LRRK1: variants seen among roughly 807,000 people sequenced by gnomAD.
LRRK1 encodes leucine rich repeat kinase 1.
Under a neutral mutation model 209.1 loss-of-function variants are expected in LRRK1, and 113 were observed. The observed-to-expected ratio is 0.54, with a 90% CI of 0.46 to 0.63. The LOEUF is 0.63. LRRK1 is among the 30% of genes least tolerant of loss of function. The pLI, the probability that LRRK1 is intolerant of heterozygous loss-of-function variation, is 0.00. For synonymous variants in LRRK1, 1,144 were observed against 1,099.7 expected (o/e 1.04, Z -0.80); for missense variants, 2,284 against 2,632.2 (o/e 0.87, Z 2.89).
chr15:100,977,910 A>G (rs1245636250), intron 3 of LRRK1, among the ~76,000 whole-genome samples: 2 of 152,220 alleles, frequency 1.3e-5, no homozygotes, highest in African/African-American at 2.4e-5. Flanking sequence ...GATGACTCCA[A>G]TGTTAGAATC....
At chr15:101,035,972 A>G (rs938953194) in intron 20 of LRRK1, among the ~76,000 whole-genome samples, 40 of 152,172 alleles carry the variant, frequency 2.6e-4, no homozygotes, top group African/African-American at 8.9e-4. Context: ...CTGTTAGTCT[A>G]ATGGGGTCTC....
At position 101,024,021 on chromosome 15, in the gene LRRK1, A is replaced by C. The variant is rs1273426715; in HGVS notation, c.2068-782A>C. Among the ~76,000 whole-genome samples, 1 of 151,694 alleles carries C rather than the reference A, an allele frequency of 6.6e-6. No individual in the cohort carries two copies. Among genetic ancestry groups the C allele is most frequent in the Non-Finnish European group, 1.5e-5 (1 of 67,936 alleles). On this transcript the variant is annotated intron_variant, in intron 15 of 33. Transcript: ENST00000388948. The surrounding 1 kb of genome is among the most constrained non-coding windows in gnomAD (Gnocchi z 4.6). The stretch of plus-strand genomic sequence containing the variant: ...GCCTGAGGGGTGAATTCGTGCTTCT[A>C]TTTTTCCTGACCTTCACCCCCACTT...
Position 101,056,927 on chromosome 15 carries a change from C to A in LRRK1, c.4404C>A (p.His1468Gln), listed in dbSNP as rs559486146. 5 of 1,614,176 alleles carry A rather than the reference C, an allele frequency of 3.1e-6. No homozygotes were observed. Among genetic ancestry groups the A allele is most frequent in the Admixed American group, 1.7e-5 (1 of 60,026 alleles). Residue 1468 changes from histidine (H) to glutamine (Q), a missense_variant, in exon 28 of 34, where the codon CAC becomes CAA. By Grantham distance (24) the His-to-Gln change is conservative (BLOSUM62 0). Around this residue, in one of 6 missense-constraint regions of LRRK1, gnomAD observed 59 missense variants for 103.8 expected, o/e 0.57. Coordinates refer to ENST00000388948, the MANE Select transcript of LRRK1 (RefSeq NM_024652.6). The stretch of plus-strand genomic sequence containing the variant: ...GACAGCGCCCTGCACTGGGCCACCA[C>A]CAGCTCCAGATTGCCAAGAAGCTGT... Reference protein sequence around the residue: ...LSGQRPALGHHQLQIAKKLSK... With the variant: ...LSGQRPALGHQQLQIAKKLSK...
At chr15:100,959,048 C>G (rs1255929135) in intron 2 of LRRK1, among the ~76,000 whole-genome samples, 2 of 152,086 alleles carry the variant, frequency 1.3e-5, no homozygotes, top group Admixed American at 1.3e-4. Flanking sequence ...AGTGACCAGA[C>G]CTTAGGGAAG....
intron 24 of LRRK1, 123 bp downstream of exon 24, chr15:101,052,083 TC>T: frequency 1.8e-6 from 2 of 1,106,622 alleles, no homozygotes; most frequent in Non-Finnish European, 2.6e-6. Context: ...GGCCATGGCT[TC>T]CCACCAATCT....
Position 101,027,147 on chromosome 15 carries a change from A to G in LRRK1, c.2406-114A>G, listed in dbSNP as rs1178800251. 7.4e-7 allele frequency: 1 copy of G among 1,346,112 alleles called. No individual in the cohort carries two copies. The highest frequency in any genetic ancestry group is 2.3e-5 in the East Asian group (1 of 42,978). 83.4% of individuals were successfully genotyped at this position (1,346,112 alleles called of 1,614,324 possible). A position where few individuals can be genotyped will look rare whatever the true frequency, so the allele number is the denominator to read the frequency against. ...CAATAAACTTCTTGTGTTGTCTTTC[A>G]CGAGTTCTCCAGACTTGCCAGCGTT... On this transcript the variant is annotated intron_variant, in intron 17 of 33. Coordinates refer to ENST00000388948, the MANE Select transcript of LRRK1 (RefSeq NM_024652.6). The surrounding 1 kb of genome is among the most constrained non-coding windows in gnomAD (Gnocchi z 5.1).
rs570967436 is a variant in LRRK1, at chr15:101,068,815, C to T, written c.6015C>T (p.Gly2005=). The change falls in exon 34 of 34, where the codon GGC becomes GGT. Residue 2005 remains glycine, a synonymous_variant. Coordinates refer to ENST00000388948, the MANE Select transcript of LRRK1 (RefSeq NM_024652.6). ...DIFYQSYEEL[G]RLEACTRKRR ...TCTACCAGTCCTACGAGGAGCTGGG[C>T]CGGCTGGAGGCTTGCACTCGCAAGA... The T allele has an allele frequency of 6.2e-7, 1 of 1,609,904 alleles. No individual in the cohort carries two copies. Among genetic ancestry groups the T allele is most frequent in the South Asian group, 1.1e-5 (1 of 90,558 alleles).
At chr15:101,034,996 C>T (rs2034439978) in intron 20 of LRRK1, among the ~76,000 whole-genome samples, 1 of 151,832 alleles carries the variant, frequency 6.6e-6, no homozygotes, top group South Asian at 2.1e-4. Context: ...CTTGGTTACT[C>T]TAGCTAGTGA....
rs146304938 is a variant in LRRK1 at position 101,064,961 on chromosome 15, C to CG, written c.4915-386dup. The CG allele has an allele frequency of 4.8e-3, 1,196 of 248,614 alleles. 17 individuals are homozygous for CG. The highest frequency in any genetic ancestry group is 0.025 in the African/African-American group (1,137 of 44,638). The allele number at this position is 248,614 out of a possible 1,614,324, so 15.4% of individuals were successfully genotyped here. On this transcript the variant is annotated intron_variant, in intron 31 of 33. Coordinates refer to ENST00000388948, the MANE Select transcript of LRRK1 (RefSeq NM_024652.6). ...ATGTTAAGCAGCACCGAGAAAAGGG[C>CG]GGGGGCACCAGGTCCTGCCTCTGAA...
At position 101,075,891 on chromosome 15, in the gene LRRK1, G is replaced by A. The variant is rs927328289; in HGVS notation, c.*7043G>A. ...CCATCAGGCTCAGCAAATTACCTGG[G>A]CTGTACTGCCCCAAAGCTTCACAGA... On this transcript the variant is annotated 3_prime_UTR_variant, in exon 34 of 34. Transcript: ENST00000388948. 1.3e-5 allele frequency: 2 copies of A among 152,192 alleles called. No homozygotes were observed. Among genetic ancestry groups the A allele is most frequent in the Non-Finnish European group, 2.9e-5 (2 of 68,062 alleles). 9.4% of individuals were successfully genotyped at this position (152,192 alleles called of 1,614,324 possible).
intron 20 of LRRK1, among the ~76,000 whole-genome samples, chr15:101,032,641 C>T (rs1356115428): frequency 6.6e-6 from 1 of 152,136 alleles, no homozygotes; most frequent in African/African-American, 2.4e-5. Context: ...TTAGCTTTTA[C>T]TTCCAGGTCT....
intron 3 of LRRK1, among the ~76,000 whole-genome samples, chr15:100,977,029 G>A (rs926570921): frequency 1.3e-5 from 2 of 152,128 alleles, no homozygotes; most frequent in Non-Finnish European, 2.9e-5. Flanking sequence ...TAAAACAAAC[G>A]TAGGATTCTA....
At chr15:101,032,660 T>C (rs1345332483) in intron 20 of LRRK1, among the ~76,000 whole-genome samples, 1 of 152,218 alleles carries the variant, frequency 6.6e-6, no homozygotes, top group Non-Finnish European at 1.5e-5. Context: ...CTATAATCTA[T>C]GTCAAATTAA....
rs554235597 is a variant in LRRK1 at position 101,066,176 on chromosome 15, C to T, written c.5739C>T (p.Leu1913=). The change falls in exon 32 of 34, where the codon CTC becomes CTT. Residue 1913 remains leucine (L), a synonymous_variant. Coordinates refer to ENST00000388948, the MANE Select transcript of LRRK1 (RefSeq NM_024652.6). ...AGCACCTGCAGGCCGTGAAGATCCT[C>T]GCCGTCAGAGACCTCATTTGGGTCC... is the stretch of plus-strand genomic sequence containing the variant. ...FSQHLQAVKI[L]AVRDLIWVPR... 30 of 1,611,944 alleles carry T rather than the reference C, an allele frequency of 1.9e-5. No homozygotes were observed. The highest frequency in any genetic ancestry group is 8.3e-5 in the Admixed American group (5 of 59,960).
At chr15:101,025,005 C>T (rs2033960077) in intron 16 of LRRK1, 38 bp downstream of exon 16, 1 of 1,596,810 alleles carries the variant, frequency 6.3e-7, no homozygotes, top group Non-Finnish European at 8.5e-7. Context: ...ATTTCAGTGC[C>T]CAGAGCTTTG....
intron 1 of LRRK1, among the ~76,000 whole-genome samples, chr15:100,920,598 T>G (rs1446838386): frequency 3.3e-5 from 5 of 151,870 alleles, no homozygotes; most frequent in African/African-American, 1.2e-4. Flanking sequence ...AAACATTCAG[T>G]CTGTTGAATC....
chr15:101,068,634 C>A (rs1474334528), intron 33 of LRRK1, 37 bp from the exon 34 acceptor site: 6 of 1,531,204 alleles, frequency 3.9e-6, no homozygotes, highest in Middle Eastern at 1.8e-4. Context: ...CGAGTGGGAA[C>A]CCCTGTGAGT....
chr15:100,973,285 C>G (rs1207931054), intron 2 of LRRK1, among the ~76,000 whole-genome samples: 3 of 152,240 alleles, frequency 2.0e-5, no homozygotes, highest in Non-Finnish European at 4.4e-5. Flanking sequence ...CATCGTTACG[C>G]AGCGCGTTCG....
At position 101,012,033 on chromosome 15, in the gene LRRK1, C is replaced by G; in HGVS notation, c.1307C>G (p.Ala436Gly). Residue 436 changes from alanine to glycine, a missense_variant, in exon 10 of 34, where the codon GCC (alanine) becomes GGC (glycine). By Grantham distance (60) the Ala-to-Gly change is moderately conservative. This residue lies in a region of LRRK1 where 494 missense variants were observed against 522.1 expected (regional missense o/e 0.95). Transcript: ENST00000388948. ...AAATGTTGTAAAGCTTCCAGAAATG[C>G]CCTGGAATGTCTGCCAGACAAAATG... is the stretch of plus-strand genomic sequence containing the variant. Reference protein sequence around the residue: ...PLKCCKASRNALECLPDKMAV... With the variant: ...PLKCCKASRNGLECLPDKMAV... 2.5e-6 allele frequency: 4 copies of G among 1,607,138 alleles called. No individual in the cohort carries two copies. Among genetic ancestry groups the G allele is most frequent in the Non-Finnish European group, 3.4e-6 (4 of 1,177,108 alleles).
Sources: allele counts gnomAD v4.1 joint callset (sites outside exome capture counted in the v4.1 genomes callset), GRCh38; gene constraint gnomAD v4.1.1; regional missense constraint gnomAD v4.1.1; non-coding constraint Gnocchi (gnomAD v3.1); transcripts MANE v1.5; gene names NCBI Gene and HGNC (gene_info 2026-07-23, HGNC 2026-07-21).